NRXN3: variants seen among roughly 807,000 people sequenced by gnomAD.
NRXN3 encodes neurexin III.
Under a neutral mutation model 137.6 loss-of-function variants are expected in NRXN3, and 32 were observed. The observed-to-expected ratio is 0.23, with a 90% CI of 0.18 to 0.31. The LOEUF is 0.31. NRXN3 is among the 10% of genes least tolerant of loss of function. The pLI is 1.00. For missense variants in NRXN3, 1,574 were observed against 2,062.5 expected, an observed-to-expected ratio of 0.76 and a Z score of 4.59; for synonymous variants, 798 against 784.5, an observed-to-expected ratio of 1.02 and a Z score of -0.29.
At chr14:78,297,235 T>G (rs1256167047) in intron 3 of NRXN3, among the ~76,000 whole-genome samples, 1 of 152,240 alleles carries the variant, frequency 6.6e-6, no homozygotes, top group African/African-American at 2.4e-5. Flanking sequence ...AGTTCCAGGT[T>G]GTCTGAGCAA....
intron 15 of NRXN3, among the ~76,000 whole-genome samples, chr14:79,017,494 T>C (rs1283842764): frequency 6.6e-6 from 1 of 152,026 alleles, no homozygotes; most frequent in African/African-American, 2.4e-5. Context: ...GCTAATCCTG[T>C]TCTTGGAGTT....
chr14:79,083,511 G>A (rs1027714624), intron 15 of NRXN3, among the ~76,000 whole-genome samples: 7 of 152,340 alleles, frequency 4.6e-5, no homozygotes, highest in Middle Eastern at 3.4e-3. Context: ...ACTTGAAACC[G>A]TCAACTGGAT....
At chr14:78,972,020 G>T (rs1252003298) in intron 14 of NRXN3, among the ~76,000 whole-genome samples, 1 of 152,214 alleles carries the variant, frequency 6.6e-6, no homozygotes. Context: ...TAGATGCAAA[G>T]TGTATAATTT....
intron 10 of NRXN3, among the ~76,000 whole-genome samples, chr14:78,819,195 A>G (rs1470859044): frequency 6.6e-6 from 1 of 152,054 alleles, no homozygotes; most frequent in African/African-American, 2.4e-5. Flanking sequence ...CCTTTCCAAG[A>G]TTTCTTTATG....
intron 15 of NRXN3, among the ~76,000 whole-genome samples, chr14:79,034,169 CA>C (rs1302806861): frequency 1.3e-5 from 2 of 151,912 alleles, no homozygotes; most frequent in Admixed American, 6.6e-5. Flanking sequence ...AGACTAAAGC[CA>C]AAGTTTGTAC....
chr14:78,218,781 T>C (rs1277256945), intron 1 of NRXN3, among the ~76,000 whole-genome samples: 3 of 152,240 alleles, frequency 2.0e-5, no homozygotes, highest in Non-Finnish European at 2.9e-5. Flanking sequence ...GAGTTTCCTT[T>C]AATCCTTGAG....
chr14:78,926,429 G>A (rs1162780665), intron 10 of NRXN3, among the ~76,000 whole-genome samples: 1 of 150,142 alleles, frequency 6.7e-6, no homozygotes, highest in Admixed American at 6.8e-5. Flanking sequence ...AATAAATACT[G>A]TAATTAGTGT....
At chr14:78,601,939 A>G (rs932667516) in intron 4 of NRXN3, among the ~76,000 whole-genome samples, 1 of 152,172 alleles carries the variant, frequency 6.6e-6, no homozygotes, top group South Asian at 2.1e-4. Flanking sequence ...TAAATATTTT[A>G]CCTTGGAAAG....
chr14:79,650,803 A>C (rs1567777220), intron 16 of NRXN3, among the ~76,000 whole-genome samples: 2 of 152,164 alleles, frequency 1.3e-5, no homozygotes, highest in Admixed American at 1.3e-4. Context: ...ACATGACTAC[A>C]TGTTAAAATT....
chr14:79,278,055 T>C (rs961741150), intron 15 of NRXN3, among the ~76,000 whole-genome samples: 4 of 152,196 alleles, frequency 2.6e-5, no homozygotes, highest in Non-Finnish European at 4.4e-5. Context: ...CAAGGATGAA[T>C]AGGGCTGTCT....
chr14:78,554,669 G>C (rs2096722057), intron 4 of NRXN3, among the ~76,000 whole-genome samples: 1 of 152,122 alleles, frequency 6.6e-6, no homozygotes, highest in African/African-American at 2.4e-5. Context: ...CAAATCTCAA[G>C]CACCACCTGC....
chr14:78,292,262 C>A (rs1292565571), intron 3 of NRXN3, among the ~76,000 whole-genome samples: 1 of 152,216 alleles, frequency 6.6e-6, no homozygotes, highest in Non-Finnish European at 1.5e-5. Context: ...ATAGCTATCT[C>A]CATGGGGATT....
chr14:79,494,897 T>C lies in NRXN3; in HGVS notation c.3444+27495T>C, dbSNP rs554693279. Reference sequence around the variant, plus strand: ...CCAATCCAGGATACCACATTTTATGTAGCTGTCCTGTCTCCTTAGTTTCTT... The same window carrying C: ...CCAATCCAGGATACCACATTTTATGCAGCTGTCCTGTCTCCTTAGTTTCTT... On this transcript the variant is annotated intron_variant, in intron 16 of 20. Coordinates refer to ENST00000335750, the MANE Select transcript of NRXN3 (RefSeq NM_001330195.2). 1.0e-3 allele frequency among the ~76,000 whole-genome samples: 156 copies of C among 152,338 alleles called. 1 individual carries two copies. The highest frequency in any genetic ancestry group is 1.8e-3 in the Non-Finnish European group (125 of 68,030).
intron 4 of NRXN3, among the ~76,000 whole-genome samples, chr14:78,606,721 A>G (rs1053712797): frequency 1.3e-5 from 2 of 152,212 alleles, no homozygotes; most frequent in African/African-American, 2.4e-5. Flanking sequence ...CTTTCCCAGG[A>G]GACAGTCAAC....
chr14:78,728,783 C>G (rs1424536056), intron 8 of NRXN3, among the ~76,000 whole-genome samples: 2 of 152,116 alleles, frequency 1.3e-5, no homozygotes, highest in African/African-American at 4.8e-5. Flanking sequence ...GCCTGTAATC[C>G]CACTTCTCAG....
chr14:78,589,799 G>C (rs1474774981), intron 4 of NRXN3, among the ~76,000 whole-genome samples: 2 of 152,130 alleles, frequency 1.3e-5, no homozygotes, highest in African/African-American at 4.8e-5. Flanking sequence ...GCAGGAGGGA[G>C]GCCAGGGCTG....
intron 8 of NRXN3, among the ~76,000 whole-genome samples, chr14:78,726,023 C>G (rs2098481651): frequency 6.6e-6 from 1 of 152,148 alleles, no homozygotes; most frequent in Admixed American, 6.5e-5. Context: ...GTCTTCCACT[C>G]CTGAGTCCTC....
chr14:79,751,410 T>A (rs1260184227), intron 19 of NRXN3, among the ~76,000 whole-genome samples: 1 of 150,242 alleles, frequency 6.7e-6, no homozygotes, highest in East Asian at 2.0e-4. Flanking sequence ...GTGATTTTTG[T>A]ACATTGATTT....
chr14:79,669,855 ATTTTTTTG>A, intron 17 of NRXN3, among the ~76,000 whole-genome samples: 1 of 151,862 alleles, frequency 6.6e-6, no homozygotes, highest in Admixed American at 6.6e-5. Flanking sequence ...TGGCCCAGGC[ATTTTTTTG>A]TTTGTTTTTT....
Sources: gnomAD v4.1 joint callset for allele counts (sites outside exome capture counted in the v4.1 genomes callset) on GRCh38, gnomAD v4.1.1 for gene constraint, MANE v1.5 for transcripts, NCBI Gene and HGNC (gene_info 2026-07-23, HGNC 2026-07-21) for gene names.